The following FRMPD4 variants were observed in gnomAD, a reference collection of about 807,000 sequenced individuals.
FRMPD4 encodes FERM and PDZ domain containing 4.
In FRMPD4, 22 loss-of-function variants were observed where a neutral mutation model predicts 94.1. The observed-to-expected ratio is 0.23, with a 90% CI of 0.17 to 0.33. The LOEUF is 0.33. FRMPD4 is among the 10% of genes least tolerant of loss of function. The pLI, the probability that FRMPD4 is intolerant of heterozygous loss-of-function variation, is 1.00. For missense variants in FRMPD4, 1,111 were observed against 1,339.9 expected (o/e 0.83, Z 2.67); for synonymous variants, 631 against 548.6 (o/e 1.15, Z -2.10).
intron 1 of FRMPD4, among the ~76,000 whole-genome samples, chrX:12,460,151 T>C (rs1056090812): frequency 1.8e-5 from 2 of 112,255 alleles, no homozygotes; most frequent in Non-Finnish European, 3.8e-5. Context: ...TTACATATTC[T>C]GGATATAAGC....
intron 1 of FRMPD4, among the ~76,000 whole-genome samples, chrX:12,264,495 A>G (rs1472182233): frequency 8.9e-6 from 1 of 112,035 alleles, no homozygotes; most frequent in East Asian, 2.8e-4. Flanking sequence ...CTTTCTGCAA[A>G]CATTTTATTA....
chrX:11,928,116 A>C (rs772035603), intron 3 of FRMPD4, among the ~76,000 whole-genome samples: 1 of 112,631 alleles, frequency 8.9e-6, no homozygotes, highest in Admixed American at 9.4e-5. Context: ...TTTTCAAAAG[A>C]AGACATATGT....
intron 3 of FRMPD4, among the ~76,000 whole-genome samples, chrX:11,918,586 G>A (rs762224176): frequency 1.8e-5 from 2 of 112,064 alleles, no homozygotes; most frequent in African/African-American, 3.2e-5. Flanking sequence ...CCTGGGCAAC[G>A]AGCAAAATTC....
intron 2 of FRMPD4, among the ~76,000 whole-genome samples, chrX:12,554,453 T>G (rs2058573279): frequency 8.9e-6 from 1 of 112,078 alleles, no homozygotes; most frequent in South Asian, 3.8e-4. Flanking sequence ...ATTATTGACT[T>G]ATGAAGTCAA....
intron 1 of FRMPD4, among the ~76,000 whole-genome samples, chrX:11,840,287 C>T (rs752563037): frequency 9.0e-6 from 1 of 111,325 alleles, no homozygotes; most frequent in South Asian, 3.7e-4. Flanking sequence ...TATTACACTT[C>T]TTTTGTTAAA....
intron 1 of FRMPD4, among the ~76,000 whole-genome samples, chrX:12,259,110 G>A (rs777223882): frequency 1.8e-5 from 2 of 111,632 alleles, no homozygotes; most frequent in South Asian, 3.8e-4. Flanking sequence ...TCATCAAATA[G>A]TAAGTGTTTG....
rs755547406 is a variant in FRMPD4 at position 12,411,695 on chromosome X, A to G, written c.42-86985A>G. Among the ~76,000 whole-genome samples, 7 of 111,923 alleles carry G rather than the reference A, an allele frequency of 6.3e-5. No homozygotes were observed. In the South Asian group the frequency reaches 2.6e-3, roughly 42 times the overall value. ...TGCAGAGGTAGGTACTCAGGATGCA[A>G]TATGGTGGCTCCATAGTCCATCCGA... On this transcript the variant is annotated intron_variant, in intron 1 of 16. Transcript: ENST00000675598.
chrX:11,952,606 G>A (rs1389534134), intron 3 of FRMPD4, among the ~76,000 whole-genome samples: 1 of 112,002 alleles, frequency 8.9e-6, no homozygotes, highest in African/African-American at 3.2e-5. Flanking sequence ...TTTTTGCCCT[G>A]ATTTTTTGCA....
intron 1 of FRMPD4, among the ~76,000 whole-genome samples, chrX:12,159,177 G>A: frequency 8.9e-6 from 1 of 112,152 alleles, no homozygotes; most frequent in East Asian, 2.8e-4. Context: ...CCAAGGAGTG[G>A]CACAGGGACC....
chrX:12,665,985 G>C lies in FRMPD4; in HGVS notation c.423-8878G>C, dbSNP rs1489100627. ...ATTAAAAGACACAGACTGGCGAATT[G>C]GATAAAGAGTCAAGACCCATCGGTG... On this transcript the variant is annotated intron_variant, in intron 4 of 16. Coordinates refer to ENST00000675598, the MANE Select transcript of FRMPD4 (RefSeq NM_001368397.1). Among the ~76,000 whole-genome samples the C allele has an allele frequency of 3.6e-5, 4 of 110,836 alleles. No individual in the cohort carries two copies. The South Asian group carries it at 1.5e-3, about 43-fold the overall frequency.
intron 1 of FRMPD4, among the ~76,000 whole-genome samples, chrX:12,278,578 G>A (rs5978507): frequency 0.086 from 9,682 of 112,204 alleles, 350 homozygotes; most frequent in South Asian, 0.14. Context: ...GCAAGTGAGA[G>A]GGAAGGGCAA....
At chrX:12,560,146 A>T (rs919554412) in intron 2 of FRMPD4, among the ~76,000 whole-genome samples, 2 of 111,912 alleles carry the variant, frequency 1.8e-5, no homozygotes, top group African/African-American at 6.5e-5. Flanking sequence ...TCTCATTTAA[A>T]TATAAAGGTT....
chrX:11,864,948 G>A (rs1279185440), intron 1 of FRMPD4, among the ~76,000 whole-genome samples: 1 of 111,896 alleles, frequency 8.9e-6, no homozygotes, highest in Non-Finnish European at 1.9e-5. Flanking sequence ...GGTAGAGGTA[G>A]AAAAGGACAT....
intron 1 of FRMPD4, among the ~76,000 whole-genome samples, chrX:12,151,805 A>T (rs1197603190): frequency 8.9e-6 from 1 of 112,015 alleles, no homozygotes; most frequent in Non-Finnish European, 1.9e-5. Flanking sequence ...TTTCCTATTT[A>T]TTAACATTGA....
intron 2 of FRMPD4, among the ~76,000 whole-genome samples, chrX:12,561,069 CCCT>C (rs976947765): frequency 9.1e-6 from 1 of 109,920 alleles, no homozygotes; most frequent in Non-Finnish European, 1.9e-5. Context: ...GCGCCCGGCC[CCCT>C]CATCTTTTTT....
intron 3 of FRMPD4, among the ~76,000 whole-genome samples, chrX:12,054,543 A>G (rs1243753293): frequency 9.0e-6 from 1 of 111,012 alleles, no homozygotes; most frequent in African/African-American, 3.3e-5. Flanking sequence ...TTTTCCTTCC[A>G]TATAACTTAC....
chrX:12,259,285 A>G (rs1426867723), intron 1 of FRMPD4, among the ~76,000 whole-genome samples: 2 of 111,267 alleles, frequency 1.8e-5, no homozygotes, highest in African/African-American at 6.5e-5. Flanking sequence ...GGAAGTTTTT[A>G]TGGTTTTTAG....
chrX:12,005,235 C>T (rs1221385585), intron 3 of FRMPD4, among the ~76,000 whole-genome samples: 3 of 108,360 alleles, frequency 2.8e-5, no homozygotes, highest in Non-Finnish European at 5.8e-5. Context: ...GACTGCTGGA[C>T]CCCACTCCCA....
chrX:12,420,792 C>G (rs2056872926), intron 1 of FRMPD4, among the ~76,000 whole-genome samples: 1 of 112,543 alleles, frequency 8.9e-6, no homozygotes, highest in Admixed American at 9.4e-5. Context: ...TTTGATGTGA[C>G]CTTCAGAAGG....
Sources: allele counts gnomAD v4.1 joint callset (sites outside exome capture counted in the v4.1 genomes callset), GRCh38; gene constraint gnomAD v4.1.1; transcripts MANE v1.5; gene names NCBI Gene and HGNC (gene_info 2026-07-23, HGNC 2026-07-21).